METTL16: variants seen among roughly 807,000 people sequenced by gnomAD.
METTL16 encodes methyltransferase 16, RNA N6-adenosine.
Under a neutral mutation model 57.9 loss-of-function variants are expected in METTL16, and 19 were observed. The ratio of observed to expected loss-of-function variants is 0.33; its 90% CI spans 0.23 to 0.48. The LOEUF (loss-of-function observed/expected upper bound fraction) is 0.48. Among genes scored for constraint, METTL16 ranks in the 20% least tolerant of loss-of-function variants. The pLI is 0.99. For missense variants in METTL16, 434 were observed against 691.5 expected (o/e 0.63, Z 4.18); for synonymous variants, 246 against 255.6 (o/e 0.96, Z 0.36).
intron 5 of METTL16, among the ~76,000 whole-genome samples, chr17:2,465,271 C>T (rs1024285009): frequency 1.9e-4 from 28 of 151,242 alleles, no homozygotes; most frequent in African/African-American, 6.6e-4. Flanking sequence ...AGGCCGGGCG[C>T]GGTGGCTCAT....
chr17:2,437,842 G>A (rs2151548575), intron 8 of METTL16, among the ~76,000 whole-genome samples: 1 of 152,276 alleles, frequency 6.6e-6, no homozygotes, highest in South Asian at 2.1e-4. Flanking sequence ...AAGCCACCAT[G>A]CCCAGCCAAA....
At chr17:2,499,463 C>T (rs1338640425) in intron 2 of METTL16, among the ~76,000 whole-genome samples, 1 of 147,628 alleles carries the variant, frequency 6.8e-6, no homozygotes, top group African/African-American at 2.7e-5. Context: ...TGTTGCACCC[C>T]ACTAAAATGG....
intron 8 of METTL16, among the ~76,000 whole-genome samples, chr17:2,430,075 A>C (rs1045019117): frequency 3.3e-5 from 5 of 151,694 alleles, no homozygotes; most frequent in Non-Finnish European, 7.4e-5. Context: ...CGGCCTCCCA[A>C]AGTGCTGGGA....
At chr17:2,502,417 TC>T in intron 1 of METTL16, 86 bp from the exon 2 acceptor site, 1 of 1,339,886 alleles carries the variant, frequency 7.5e-7, no homozygotes, top group Non-Finnish European at 1.0e-6. Context: ...ATGCCTCTAA[TC>T]CCAGTACTTT....
chr17:2,436,009 C>T (rs1044290087), intron 8 of METTL16, among the ~76,000 whole-genome samples: 1 of 152,104 alleles, frequency 6.6e-6, no homozygotes, highest in Non-Finnish European at 1.5e-5. Flanking sequence ...GACTCGGTCT[C>T]GGAGCTGGTG....
chr17:2,444,537 A>G (rs912630769), intron 6 of METTL16, among the ~76,000 whole-genome samples: 1 of 152,160 alleles, frequency 6.6e-6, no homozygotes, highest in Non-Finnish European at 1.5e-5. Flanking sequence ...GCAACATCAT[A>G]GCACAGTTTT....
At chr17:2,501,972 T>C (rs1347029964) in intron 2 of METTL16, among the ~76,000 whole-genome samples, 1 of 152,178 alleles carries the variant, frequency 6.6e-6, no homozygotes, top group African/African-American at 2.4e-5. Context: ...AAGCAACAAT[T>C]TGGACATCAA....
chr17:2,443,340 C>T (rs1424345872), intron 6 of METTL16, among the ~76,000 whole-genome samples: 1 of 152,074 alleles, frequency 6.6e-6, no homozygotes. Flanking sequence ...ACTTTCCAGA[C>T]CCAAGTCACT....
intron 6 of METTL16, among the ~76,000 whole-genome samples, chr17:2,455,444 A>G (rs1479761682): frequency 6.6e-6 from 1 of 152,038 alleles, no homozygotes; most frequent in African/African-American, 2.4e-5. Context: ...TGATTTTAAG[A>G]ATTCTCTTCT....
chr17:2,446,035 G>A (rs1268389493), intron 6 of METTL16, among the ~76,000 whole-genome samples: 1 of 152,018 alleles, frequency 6.6e-6, no homozygotes, highest in Non-Finnish European at 1.5e-5. Flanking sequence ...ACTAGAAAAA[G>A]CATTTGGAAA....
At chr17:2,432,644 A>C (rs1389363718) in intron 8 of METTL16, among the ~76,000 whole-genome samples, 1 of 152,070 alleles carries the variant, frequency 6.6e-6, no homozygotes, top group Admixed American at 6.6e-5. Context: ...CTGAGTTTTC[A>C]CAAAAAAAAA....
At chr17:2,491,521 TA>T (rs1597468024) in intron 2 of METTL16, among the ~76,000 whole-genome samples, 2 of 152,110 alleles carry the variant, frequency 1.3e-5, no homozygotes, top group South Asian at 4.1e-4. Flanking sequence ...ACTGAGGTGC[TA>T]AAAATGGTAC....
At position 2,467,836 on chromosome 17, in the gene METTL16, A is replaced by G; in HGVS notation, c.510T>C (p.Leu170=). ...VPQKTLLMDA[L]KEESEIIYDF... ...CATAGATTATCTCAGATTCTTCTTT[A>G]AGAGCATCCATCAGGAGTGTCTTCT... The change falls in exon 5 of 10, where the codon CTT becomes CTC. Residue 170 remains leucine, a synonymous_variant. Transcript: ENST00000263092. The G allele has an allele frequency of 6.2e-7, 1 of 1,614,190 alleles. No homozygotes were observed. Among genetic ancestry groups the G allele is most frequent in the East Asian group, 2.2e-5 (1 of 44,878 alleles).
rs1354906854 is a variant in METTL16 at position 2,507,369 on chromosome 17, G to A, written c.-1+4390C>T. 2.0e-3 allele frequency among the ~76,000 whole-genome samples: 299 copies of A among 147,678 alleles called. 1 individual carries two copies. The highest frequency in any genetic ancestry group is 3.3e-3 in the Non-Finnish European group (219 of 66,532). ...ACCCAGCCAGCCACCCCGTCCGGGAGGGAGGTGGGGGGGTCAGCCCCCAGC... is the reference window on the plus strand; with the variant it reads ...ACCCAGCCAGCCACCCCGTCCGGGAAGGAGGTGGGGGGGTCAGCCCCCAGC... On this transcript the variant is annotated intron_variant, in intron 1 of 9. Coordinates refer to ENST00000263092, the MANE Select transcript of METTL16 (RefSeq NM_024086.4).
At chr17:2,457,262 T>C (rs548985875) in intron 6 of METTL16, among the ~76,000 whole-genome samples, 63 of 130,202 alleles carry the variant, frequency 4.8e-4, no homozygotes, top group South Asian at 1.7e-3. Context: ...GGCGTGAACC[T>C]GGGAGGCGGA....
intron 6 of METTL16, among the ~76,000 whole-genome samples, chr17:2,448,975 C>T (rs1477758470): frequency 1.4e-5 from 2 of 147,688 alleles, no homozygotes; most frequent in Admixed American, 6.7e-5. Flanking sequence ...TGCAGTGAGC[C>T]GAGATTGCGC....
chr17:2,429,466 G>T (rs2066853973), intron 8 of METTL16, among the ~76,000 whole-genome samples: 3 of 150,302 alleles, frequency 2.0e-5, no homozygotes. Flanking sequence ...GGGATTACAG[G>T]TGTGAGCCAC....
At chr17:2,444,300 A>C (rs1178398285) in intron 6 of METTL16, among the ~76,000 whole-genome samples, 1 of 152,058 alleles carries the variant, frequency 6.6e-6, no homozygotes, top group Non-Finnish European at 1.5e-5. Context: ...AAATACAAAA[A>C]TTAGCCAGAT....
intron 2 of METTL16, among the ~76,000 whole-genome samples, chr17:2,489,053 A>G (rs2067364393): frequency 6.6e-6 from 1 of 152,208 alleles, no homozygotes; most frequent in Non-Finnish European, 1.5e-5. Context: ...AAAGAATCCA[A>G]AATCCTACTG....
Sources: gnomAD v4.1 joint callset for allele counts (sites outside exome capture counted in the v4.1 genomes callset) on GRCh38, gnomAD v4.1.1 for gene constraint, MANE v1.5 for transcripts, NCBI Gene and HGNC (gene_info 2026-07-23, HGNC 2026-07-21) for gene names.